PEX26: variants seen among roughly 807,000 people sequenced by gnomAD.
PEX26 encodes peroxisome assembly protein 26.
In PEX26, 18 loss-of-function variants were observed where a neutral mutation model predicts 31.4. The ratio of observed to expected loss-of-function variants is 0.57; its 90% CI spans 0.40 to 0.85. The LOEUF is 0.85. PEX26 is among the 40% of genes least tolerant of loss of function. PEX26 has a pLI of 0.00. For missense variants in PEX26, 377 were observed against 383.9 expected, an observed-to-expected ratio of 0.98 and a Z score of 0.15; for synonymous variants, 176 against 166.9, an observed-to-expected ratio of 1.05 and a Z score of -0.42.
chr22:18,087,928 T>G, intron 4 of PEX26, 44 bp from the exon 5 acceptor site: 9 of 1,213,292 alleles, frequency 7.4e-6, no homozygotes, highest in Non-Finnish European at 9.8e-6. Flanking sequence ...GAGTGACAGG[T>G]GAGAGGGGTG....
chr22:18,082,955 A>G (rs1046364033), intron 2 of PEX26, among the ~76,000 whole-genome samples: 3 of 152,098 alleles, frequency 2.0e-5, no homozygotes, highest in African/African-American at 4.8e-5. Flanking sequence ...TTTGGTAGCT[A>G]TTGTAAATCG....
At position 18,085,978 on chromosome 22, in the gene PEX26, A is replaced by G. The variant is rs1224674259; in HGVS notation, c.814+720A>G. ...AAGTGTTAATTCAAAGCAAGTTGTA[A>G]ATGAAAAACTCATACATTTTAGAAA... On this transcript the variant is annotated intron_variant, in intron 4 of 4. Coordinates refer to ENST00000399744, the MANE Select transcript of PEX26 (RefSeq NM_001127649.3). Among the ~76,000 whole-genome samples the G allele has an allele frequency of 3.9e-5, 6 of 152,244 alleles. No homozygotes were observed. The East Asian group carries it at 5.8e-4, about 15-fold the overall frequency.
intron 4 of PEX26, 65 bp downstream of exon 4, chr22:18,085,323 G>T: frequency 6.4e-7 from 1 of 1,552,676 alleles, no homozygotes; most frequent in South Asian, 1.1e-5. Flanking sequence ...TGGGCCTGTG[G>T]GAGTGGGTGT....
intron 2 of PEX26, among the ~76,000 whole-genome samples, chr22:18,081,956 T>G (rs555485253): frequency 6.6e-6 from 1 of 152,310 alleles, no homozygotes; most frequent in South Asian, 2.1e-4. Flanking sequence ...TTGATTGGCA[T>G]TTCCCTGATG....
Position 18,088,195 on chromosome 22 carries a change from G to A in PEX26, c.*120G>A. 1.3e-6 allele frequency: 1 copy of A among 788,432 alleles called. No individual in the cohort carries two copies. Among genetic ancestry groups the A allele is most frequent in the Non-Finnish European group, 2.3e-6 (1 of 441,656 alleles). 48.8% of individuals were successfully genotyped at this position (788,432 alleles called of 1,614,324 possible). A position where few individuals can be genotyped will look rare whatever the true frequency, so the allele number is the denominator to read the frequency against. ...TGGGACCAGCCTAATCTCGCGGAGT[G>A]CACTGTGTCTTGCTGCCTGGGTGCC... is the stretch of plus-strand genomic sequence containing the variant. On this transcript the variant is annotated 3_prime_UTR_variant, in exon 5 of 5. Coordinates refer to ENST00000399744, the MANE Select transcript of PEX26 (RefSeq NM_001127649.3). This position sits in a 1 kb window ranked among gnomAD's most constrained non-coding sequence, Gnocchi z 4.1.
chr22:18,085,685 A>G (rs139900809), intron 4 of PEX26, among the ~76,000 whole-genome samples: 67 of 152,214 alleles, frequency 4.4e-4, no homozygotes, highest in African/African-American at 1.5e-3. Flanking sequence ...CCTGGCCAAC[A>G]TGGTAAAGCC....
At chr22:18,080,131 T>C in intron 2 of PEX26, 117 bp downstream of exon 2, 1 of 1,122,002 alleles carries the variant, frequency 8.9e-7, no homozygotes, top group Non-Finnish European at 1.3e-6. Flanking sequence ...TCGGATTCTT[T>C]CCCTTCACTT....
intron 4 of PEX26, 47 bp from the exon 5 acceptor site, chr22:18,087,925 A>G: frequency 8.4e-7 from 1 of 1,194,168 alleles, no homozygotes; most frequent in Non-Finnish European, 1.3e-6. Flanking sequence ...GCAGAGTGAC[A>G]GGTGAGAGGG....
At position 18,097,049 on chromosome 22, in the gene PEX26, A is replaced by G. The variant is rs1927317354; in HGVS notation, c.*8974A>G. The stretch of plus-strand genomic sequence containing the variant: ...AGGGGGGATGCCACACTTTAAAACC[A>G]TCAGAACTCGTGAGAACTGACTCAC... On this transcript the variant is annotated 3_prime_UTR_variant, in exon 5 of 5. Coordinates refer to ENST00000399744, the MANE Select transcript of PEX26 (RefSeq NM_001127649.3). 1 of 152,214 alleles carries G rather than the reference A, an allele frequency of 6.6e-6. No individual in the cohort carries two copies. Among genetic ancestry groups the G allele is most frequent in the Admixed American group, 6.5e-5 (1 of 15,282 alleles). 9.4% of individuals were successfully genotyped at this position (152,214 alleles called of 1,614,324 possible).
intron 2 of PEX26, among the ~76,000 whole-genome samples, chr22:18,082,218 C>A (rs1926644497): frequency 6.6e-6 from 1 of 151,994 alleles, no homozygotes; most frequent in South Asian, 2.1e-4. Context: ...AGTTTGATGT[C>A]ATTTCATTTG....
intron 2 of PEX26, among the ~76,000 whole-genome samples, chr22:18,081,878 A>G (rs753167132): frequency 6.6e-6 from 1 of 151,690 alleles, no homozygotes; most frequent in Non-Finnish European, 1.5e-5. Flanking sequence ...CCGCACCAAC[A>G]CTCGTTTTCT....
Position 18,088,317 on chromosome 22 carries a change from A to G in PEX26, c.*242A>G, listed in dbSNP as rs1314410010. On this transcript the variant is annotated 3_prime_UTR_variant, in exon 5 of 5. Transcript: ENST00000399744. The surrounding 1 kb of genome is among the most constrained non-coding windows in gnomAD (Gnocchi z 4.1). ...CACCTCCAGAACAGTGCCCCGGATG[A>G]CCAGAGGCCCCTTGAAAAGGAGGGG... The G allele has an allele frequency of 1.6e-6, 1 of 637,744 alleles. No individual in the cohort carries two copies. The highest frequency in any genetic ancestry group is 2.2e-5 in the Admixed American group (1 of 45,698). The allele number at this position is 637,744 out of a possible 1,614,324, so 39.5% of individuals were successfully genotyped here. A position where few individuals can be genotyped will look rare whatever the true frequency, so the allele number is the denominator to read the frequency against.
At chr22:18,082,932 G>A (rs1926675186) in intron 2 of PEX26, among the ~76,000 whole-genome samples, 1 of 152,060 alleles carries the variant, frequency 6.6e-6, no homozygotes, top group South Asian at 2.1e-4. Context: ...TTTATTCCTA[G>A]GTATCTTATT....
At position 18,093,207 on chromosome 22, in the gene PEX26, A is replaced by G. The variant is rs990539734; in HGVS notation, c.*5132A>G. The G allele has an allele frequency of 1.3e-5, 2 of 152,196 alleles. No homozygotes were observed. The highest frequency in any genetic ancestry group is 2.4e-5 in the African/African-American group (1 of 41,456). 9.4% of individuals were successfully genotyped at this position (152,196 alleles called of 1,614,324 possible). ...GATTCTACCAATGCATGTTGCATCT[A>G]TAATTCACGAACATGGTCAACAAGA... On this transcript the variant is annotated 3_prime_UTR_variant, in exon 5 of 5. Coordinates refer to ENST00000399744, the MANE Select transcript of PEX26 (RefSeq NM_001127649.3).
At position 18,097,646 on chromosome 22, in the gene PEX26, C is replaced by A. The variant is rs1252589221; in HGVS notation, c.*9571C>A. 2 of 152,006 alleles carry A rather than the reference C, an allele frequency of 1.3e-5. No individual in the cohort carries two copies. Among genetic ancestry groups the A allele is most frequent in the African/African-American group, 4.8e-5 (2 of 41,366 alleles). The allele number at this position is 152,006 out of a possible 1,614,324, so 9.4% of individuals were successfully genotyped here. A position where few individuals can be genotyped will look rare whatever the true frequency, so the allele number is the denominator to read the frequency against. On this transcript the variant is annotated 3_prime_UTR_variant, in exon 5 of 5. Coordinates refer to ENST00000399744, the MANE Select transcript of PEX26 (RefSeq NM_001127649.3). ...CCAGTATGGATATAGATCCTAGTTT[C>A]TTCTCCTTTTTATAAAAAAAACCTG... is the stretch of plus-strand genomic sequence containing the variant.
chr22:18,102,716 C>T lies in PEX26; in HGVS notation c.*14641C>T, dbSNP rs550370589. ...TTATCATGCCTAATATTGTGAAGGCCATGTGCTAAATCCAGCAATCCGCTC... is the reference window on the plus strand; with the variant it reads ...TTATCATGCCTAATATTGTGAAGGCTATGTGCTAAATCCAGCAATCCGCTC... On this transcript the variant is annotated 3_prime_UTR_variant, in exon 5 of 5. Transcript: ENST00000399744. The T allele has an allele frequency of 1.3e-5, 2 of 152,290 alleles. No individual in the cohort carries two copies. Among genetic ancestry groups the T allele is most frequent in the Admixed American group, 6.5e-5 (1 of 15,294 alleles). The allele number at this position is 152,290 out of a possible 1,614,324, so 9.4% of individuals were successfully genotyped here. A position where few individuals can be genotyped will look rare whatever the true frequency, so the allele number is the denominator to read the frequency against.
chr22:18,087,355 A>G (rs1450579362), intron 4 of PEX26, among the ~76,000 whole-genome samples: 1 of 152,160 alleles, frequency 6.6e-6, no homozygotes, highest in Non-Finnish European at 1.5e-5. Context: ...GATTATAGGC[A>G]CAAGCCATCA....
At position 18,096,750 on chromosome 22, in the gene PEX26, A is replaced by G. The variant is rs182468212; in HGVS notation, c.*8675A>G. ...ATTTCTTAAAGTGCTAAGCCTTTTT[A>G]TATATTCATTTCAGACCATGTTTAA... On this transcript the variant is annotated 3_prime_UTR_variant, in exon 5 of 5. Coordinates refer to ENST00000399744, the MANE Select transcript of PEX26 (RefSeq NM_001127649.3). 2.0e-5 allele frequency: 3 copies of G among 152,292 alleles called. No homozygotes were observed. Among genetic ancestry groups the G allele is most frequent in the African/African-American group, 4.8e-5 (2 of 41,558 alleles). The allele number at this position is 152,292 out of a possible 1,614,324, so 9.4% of individuals were successfully genotyped here. A position where few individuals can be genotyped will look rare whatever the true frequency, so the allele number is the denominator to read the frequency against.
chr22:18,099,309 A>G lies in PEX26; in HGVS notation c.*11234A>G, dbSNP rs1927384799. On this transcript the variant is annotated 3_prime_UTR_variant, in exon 5 of 5. Coordinates refer to ENST00000399744, the MANE Select transcript of PEX26 (RefSeq NM_001127649.3). Reference sequence around the variant, plus strand: ...TCAAAACCAAAAAATCAAATTGACCAGGGCAAAAAATAGCCTGGGGCCTAG... The same window carrying G: ...TCAAAACCAAAAAATCAAATTGACCGGGGCAAAAAATAGCCTGGGGCCTAG... 6.6e-6 allele frequency: 1 copy of G among 152,208 alleles called. No homozygotes were observed. 9.4% of individuals were successfully genotyped at this position (152,208 alleles called of 1,614,324 possible). A position where few individuals can be genotyped will look rare whatever the true frequency, so the allele number is the denominator to read the frequency against.
Sources: allele counts gnomAD v4.1 joint callset (sites outside exome capture counted in the v4.1 genomes callset), GRCh38; gene constraint gnomAD v4.1.1; non-coding constraint Gnocchi (gnomAD v3.1); transcripts MANE v1.5; gene names NCBI Gene and HGNC (gene_info 2026-07-23, HGNC 2026-07-21).